Variants in SYTL3 observed in about 807,000 individuals in gnomAD.
The protein encoded by SYTL3 is synaptotagmin-like protein 3.
Under a neutral mutation model 82.1 loss-of-function variants are expected in SYTL3, and 88 were observed. That is an observed-to-expected ratio of 1.07 (90% CI 0.90 to 1.28). The LOEUF (loss-of-function observed/expected upper bound fraction) is 1.28. Ranked by LOEUF, SYTL3 falls within the 50% of genes most tolerant of loss-of-function variation. The pLI is 0.00. For missense variants in SYTL3, 831 were observed against 757.6 expected (o/e 1.10, Z -1.14); for synonymous variants, 311 against 289.4 (o/e 1.07, Z -0.76).
chr6:158,666,505 A>C (rs1790071075), intron 5 of SYTL3, among the ~76,000 whole-genome samples: 1 of 152,208 alleles, frequency 6.6e-6, no homozygotes, highest in Non-Finnish European at 1.5e-5. Flanking sequence ...CCGTGAAAAC[A>C]CTAGAGGGGT....
chr6:158,654,862 G>A (rs1788486189), intron 2 of SYTL3, among the ~76,000 whole-genome samples: 1 of 152,186 alleles, frequency 6.6e-6, no homozygotes, highest in African/African-American at 2.4e-5. Flanking sequence ...TTTCCTTCCA[G>A]GTGGTGCTGT....
intron 6 of SYTL3, among the ~76,000 whole-genome samples, chr6:158,694,571 A>C (rs1239110055): frequency 6.6e-6 from 1 of 152,208 alleles, no homozygotes. Context: ...CTGGGGTTAC[A>C]GGCATGAGCC....
At chr6:158,745,291 TTC>T (rs1787477188) in intron 11 of SYTL3, among the ~76,000 whole-genome samples, 187 bp from the exon 12 acceptor site, 1 of 151,276 alleles carries the variant, frequency 6.6e-6, no homozygotes, top group South Asian at 2.1e-4. Context: ...CTTCTGAGGA[TTC>T]TCTGTCTCCT....
At chr6:158,739,580 C>T (rs1488662819) in intron 11 of SYTL3, among the ~76,000 whole-genome samples, 2 of 151,974 alleles carry the variant, frequency 1.3e-5, no homozygotes, top group African/African-American at 4.8e-5. Flanking sequence ...ATCTCTCTCT[C>T]TCTGTCTCTT....
chr6:158,722,405 TC>T (rs1449003466), intron 10 of SYTL3, among the ~76,000 whole-genome samples: 4 of 152,094 alleles, frequency 2.6e-5, no homozygotes, highest in Non-Finnish European at 5.9e-5. Flanking sequence ...CAAGTGATCC[TC>T]CCACCTTAAA....
intron 11 of SYTL3, among the ~76,000 whole-genome samples, chr6:158,731,080 C>G (rs776824667): frequency 6.6e-6 from 1 of 152,000 alleles, no homozygotes; most frequent in Admixed American, 6.5e-5. Context: ...GTCAGGAGAT[C>G]GAGACCATCC....
chr6:158,758,541 C>A (rs976125624), intron 14 of SYTL3, among the ~76,000 whole-genome samples: 1 of 152,204 alleles, frequency 6.6e-6, no homozygotes, highest in Admixed American at 6.5e-5. Flanking sequence ...CAAGGGCCAT[C>A]TGGCTTCTTT....
intron 5 of SYTL3, among the ~76,000 whole-genome samples, chr6:158,668,740 G>A (rs1415254641): frequency 6.6e-6 from 1 of 152,198 alleles, no homozygotes; most frequent in African/African-American, 2.4e-5. Context: ...GGTGGCAATA[G>A]TGATGGAGAA....
chr6:158,706,341 A>G (rs1386081934), intron 6 of SYTL3, among the ~76,000 whole-genome samples: 1 of 151,982 alleles, frequency 6.6e-6, no homozygotes, highest in Non-Finnish European at 1.5e-5. Flanking sequence ...ATCACATGCT[A>G]TTTGCCCTCC....
intron 6 of SYTL3, among the ~76,000 whole-genome samples, chr6:158,687,000 G>A (rs1205534378): frequency 6.6e-6 from 1 of 152,166 alleles, no homozygotes; most frequent in African/African-American, 2.4e-5. Context: ...TGTTGTCATG[G>A]TACCGGCAAT....
Position 158,738,150 on chromosome 6 carries a change from G to A in SYTL3, c.856-7330G>A, listed in dbSNP as rs1028827456. ...GCAGCCCTAACCCCAGGACACTCAC[G>A]CCTGCATGCTGGAGATTAGGTCTGC... On this transcript the variant is annotated intron_variant, in intron 11 of 17. Transcript: ENST00000611299. Among the ~76,000 whole-genome samples the A allele has an allele frequency of 2.6e-5, 4 of 152,110 alleles. No homozygotes were observed. The South Asian group carries it at 6.2e-4, about 24-fold the overall frequency.
chr6:158,759,681 G>A (rs185612650), intron 14 of SYTL3, among the ~76,000 whole-genome samples: 94 of 152,146 alleles, frequency 6.2e-4, no homozygotes, highest in Non-Finnish European at 1.2e-3. Context: ...ATAGGCGCCC[G>A]TCACCACACC....
intron 11 of SYTL3, among the ~76,000 whole-genome samples, chr6:158,743,024 C>T (rs1418337370): frequency 6.6e-6 from 1 of 152,200 alleles, no homozygotes; most frequent in African/African-American, 2.4e-5. Context: ...TTCCCCATGA[C>T]TTCGTAGCCT....
chr6:158,657,927 C>G (rs1248534877), intron 2 of SYTL3, among the ~76,000 whole-genome samples: 1 of 149,544 alleles, frequency 6.7e-6, no homozygotes, highest in Non-Finnish European at 1.5e-5. Context: ...GAGTCTTGCT[C>G]TGTCGCCCAG....
intron 6 of SYTL3, among the ~76,000 whole-genome samples, chr6:158,694,374 C>T (rs1309953684): frequency 6.6e-6 from 1 of 151,856 alleles, no homozygotes; most frequent in African/African-American, 2.4e-5. Context: ...TGGCTCGCTG[C>T]AACCTCCGCC....
chr6:158,737,875 G>A (rs1786420303), intron 11 of SYTL3, among the ~76,000 whole-genome samples: 1 of 152,174 alleles, frequency 6.6e-6, no homozygotes, highest in Non-Finnish European at 1.5e-5. Context: ...AGAGACATGA[G>A]CATACATTAT....
At chr6:158,707,891 T>C (rs1782284441) in intron 7 of SYTL3, among the ~76,000 whole-genome samples, 1 of 152,222 alleles carries the variant, frequency 6.6e-6, no homozygotes, top group South Asian at 2.1e-4. Flanking sequence ...CCCTGTTCTT[T>C]CCCATTTCTT....
At chr6:158,713,735 C>G (rs1248080658) in intron 8 of SYTL3, 65 bp from the exon 9 acceptor site, 2 of 1,245,078 alleles carry the variant, frequency 1.6e-6, no homozygotes, top group African/African-American at 1.5e-5. Context: ...GCAGCCTGGA[C>G]ACTGCTGAGG....
At chr6:158,676,557 G>T (rs939048941) in intron 5 of SYTL3, among the ~76,000 whole-genome samples, 2 of 151,692 alleles carry the variant, frequency 1.3e-5, no homozygotes, top group African/African-American at 4.8e-5. Flanking sequence ...TGACAAATGG[G>T]ATCTAATTAA....
Sources: allele counts gnomAD v4.1 joint callset (sites outside exome capture counted in the v4.1 genomes callset), GRCh38; gene constraint gnomAD v4.1.1; transcripts MANE v1.5; gene names NCBI Gene and HGNC (gene_info 2026-07-23, HGNC 2026-07-21).